ARHGEF3: variants seen among roughly 807,000 people sequenced by gnomAD.
ARHGEF3 encodes the protein 59.8 kDA protein.
ARHGEF3 carries 28 observed loss-of-function variants against 63.2 expected under a neutral mutation model. The ratio of observed to expected loss-of-function variants is 0.44; its 90% CI spans 0.33 to 0.61. The LOEUF (loss-of-function observed/expected upper bound fraction) is 0.61. Among genes scored for constraint, ARHGEF3 ranks in the 20% least tolerant of loss-of-function variants. The pLI is 0.03. For synonymous variants in ARHGEF3, 266 were observed against 254.2 expected, an observed-to-expected ratio of 1.05 and a Z score of -0.44; for missense variants, 533 against 659.3, an observed-to-expected ratio of 0.81 and a Z score of 2.10.
intron 1 of ARHGEF3, chr3:57,074,381 C>T: frequency 1.2e-6 from 1 of 866,104 alleles, no homozygotes; most frequent in Non-Finnish European, 1.8e-6. Flanking sequence ...CGTAGCCATC[C>T]CTTTCTGCAT....
At position 56,903,610 on chromosome 3, in the gene ARHGEF3, CAA is replaced by C. The variant is rs530251693; in HGVS notation, c.130-21258_130-21257del. Among the ~76,000 whole-genome samples the C allele has an allele frequency of 2.6e-5, 4 of 152,334 alleles. No homozygotes were observed. In the East Asian group the frequency reaches 5.8e-4, roughly 22 times the overall value. ...ATACCCTACTATGCACTTGGATATG[CAA>C]AGTGTACATCAGCTGCAGCCCTGCT... is the stretch of plus-strand genomic sequence containing the variant. On this transcript the variant is annotated intron_variant, in intron 3 of 12. Transcript: ENST00000338458.
rs115009725 is a variant in ARHGEF3, at chr3:56,962,557, G to C, written c.63-3668C>G. 4.7e-3 allele frequency among the ~76,000 whole-genome samples: 717 copies of C among 152,298 alleles called. 10 individuals are homozygous for C. The highest frequency in any genetic ancestry group is 0.017 in the African/African-American group (686 of 41,566). On this transcript the variant is annotated intron_variant, in intron 2 of 12. Transcript: ENST00000338458. ...TGTCTCACAGATGTCACAAGGATAAGTATGACCACTTCCATAGAGGGATTC... is the reference window on the plus strand; with the variant it reads ...TGTCTCACAGATGTCACAAGGATAACTATGACCACTTCCATAGAGGGATTC...
intron 3 of ARHGEF3, among the ~76,000 whole-genome samples, chr3:56,943,960 T>A: frequency 6.8e-6 from 1 of 148,088 alleles, no homozygotes; most frequent in East Asian, 2.0e-4. Context: ...GTGGATCACT[T>A]GAGGTCAGAC....
At chr3:57,073,932 G>A in intron 1 of ARHGEF3, 3 of 1,614,200 alleles carry the variant, frequency 1.9e-6, no homozygotes, top group Non-Finnish European at 2.5e-6. Context: ...GTGCCAAAGT[G>A]AGACCTGTCA....
intron 2 of ARHGEF3, among the ~76,000 whole-genome samples, chr3:56,773,210 C>T (rs1000762061): frequency 9.2e-5 from 14 of 152,250 alleles, no homozygotes; most frequent in African/African-American, 3.4e-4. Context: ...AATTTCATGT[C>T]GTTTTCATGT....
intron 1 of ARHGEF3, among the ~76,000 whole-genome samples, chr3:57,056,295 G>A (rs571585215): frequency 2.3e-4 from 35 of 150,294 alleles, no homozygotes; most frequent in African/African-American, 7.8e-4. Context: ...GCTGAGGCAG[G>A]AGAATCTCTT....
chr3:56,919,030 G>T (rs942620231), intron 3 of ARHGEF3, among the ~76,000 whole-genome samples: 1 of 152,168 alleles, frequency 6.6e-6, no homozygotes, highest in Non-Finnish European at 1.5e-5. Context: ...AAACCCAAAA[G>T]GATTTAGGAG....
chr3:56,735,580 A>G (rs2033558211), intron 8 of ARHGEF3, among the ~76,000 whole-genome samples: 1 of 152,248 alleles, frequency 6.6e-6, no homozygotes, highest in Admixed American at 6.5e-5. Flanking sequence ...GTACAGAAAG[A>G]TAATAGGCTT....
At chr3:56,802,331 G>T (rs1247954755), upstream of ARHGEF3, among the ~76,000 whole-genome samples, 3 of 152,308 alleles carry the variant, frequency 2.0e-5, no homozygotes, top group Non-Finnish European at 4.4e-5. Context: ...AGCCTGGGGG[G>T]AAAAGCGAGC....
At position 56,980,842 on chromosome 3, in the gene ARHGEF3, CA is replaced by C. The variant is rs770584465; in HGVS notation, c.63-21954del. Among the ~76,000 whole-genome samples the C allele has an allele frequency of 3.3e-4, 50 of 152,370 alleles. 1 individual carries two copies. The highest frequency in any genetic ancestry group is 3.4e-3 in the Middle Eastern group (1 of 294). ...AAGAAGCAGCAATGCTACCAGGCTT[CA>C]AGTCAAGTTCATCGGCCTCCGAGGC... On this transcript the variant is annotated intron_variant, in intron 2 of 12. Coordinates refer to the ARHGEF3 transcript ENST00000338458.
At chr3:56,971,205 A>G (rs1388848661) in intron 2 of ARHGEF3, among the ~76,000 whole-genome samples, 1 of 152,160 alleles carries the variant, frequency 6.6e-6, no homozygotes, top group African/African-American at 2.4e-5. Context: ...ATGAAAGAAC[A>G]TGAATACAAC....
At chr3:57,019,392 TCA>T (rs1199907572) in intron 2 of ARHGEF3, among the ~76,000 whole-genome samples, 1 of 151,816 alleles carries the variant, frequency 6.6e-6, no homozygotes, top group African/African-American at 2.4e-5. Flanking sequence ...GGCAAGAAAG[TCA>T]CAGTCTTTCT....
chr3:56,787,569 G>A (rs1035485169), intron 1 of ARHGEF3, among the ~76,000 whole-genome samples: 18 of 152,108 alleles, frequency 1.2e-4, no homozygotes, highest in Non-Finnish European at 2.5e-4. Flanking sequence ...CATAGAGGAG[G>A]AAGCAGGTGT....
intron 1 of ARHGEF3, chr3:57,078,877 A>AT (rs1706336316): frequency 5.0e-6 from 1 of 199,258 alleles, no homozygotes; most frequent in Admixed American, 6.0e-5. Flanking sequence ...GGCTCCGGGA[A>AT]TTTTCGCTCA....
intron 2 of ARHGEF3, among the ~76,000 whole-genome samples, chr3:56,999,468 C>G (rs1313873007): frequency 6.6e-6 from 1 of 152,144 alleles, no homozygotes; most frequent in Non-Finnish European, 1.5e-5. Flanking sequence ...TGTCTTAATT[C>G]CAAATATAAC....
At chr3:56,913,149 A>G (rs1342063930) in intron 3 of ARHGEF3, among the ~76,000 whole-genome samples, 1 of 29,958 alleles carries the variant, frequency 3.3e-5, no homozygotes, top group Non-Finnish European at 1.2e-4. Flanking sequence ...CTTGTCTCCT[A>G]AAAAAAAAAA....
At chr3:56,749,531 C>T (rs1473904873) in intron 6 of ARHGEF3, among the ~76,000 whole-genome samples, 1 of 152,210 alleles carries the variant, frequency 6.6e-6, no homozygotes, top group Non-Finnish European at 1.5e-5. Context: ...CAAAGCAGTC[C>T]ACAGACTCAG....
chr3:57,012,657 G>A (rs1196443378), intron 2 of ARHGEF3, among the ~76,000 whole-genome samples: 2 of 152,218 alleles, frequency 1.3e-5, no homozygotes, highest in Non-Finnish European at 1.5e-5. Flanking sequence ...ACTTACTCAA[G>A]GTCTCACAGT....
chr3:56,984,399 T>C lies in ARHGEF3; in HGVS notation c.63-25510A>G, dbSNP rs529285185. 7.2e-5 allele frequency among the ~76,000 whole-genome samples: 11 copies of C among 152,146 alleles called. 1 individual carries two copies. The South Asian group carries it at 2.3e-3, about 32-fold the overall frequency. ...CCATGATGGATGGATGGTTGGTAAG[T>C]GGACAAGCACATGATGGGTAGGTGG... On this transcript the variant is annotated intron_variant, in intron 2 of 12. Transcript: ENST00000338458.
Sources: gnomAD v4.1 joint callset for allele counts (sites outside exome capture counted in the v4.1 genomes callset) on GRCh38, gnomAD v4.1.1 for gene constraint, MANE v1.5 for transcripts, NCBI Gene and HGNC (gene_info 2026-07-23, HGNC 2026-07-21) for gene names.